The following NTRK3 variants were observed in gnomAD, a reference collection of about 807,000 sequenced individuals.
NTRK3 encodes neurotrophic receptor tyrosine kinase 3, also known as NT-3 growth factor receptor.
Under a neutral mutation model 91.7 loss-of-function variants are expected in NTRK3, and 24 were observed. The ratio of observed to expected loss-of-function variants is 0.26; its 90% CI spans 0.19 to 0.37. The LOEUF is 0.37. NTRK3 is among the 10% of genes least tolerant of loss of function. The pLI, the probability that NTRK3 is intolerant of heterozygous loss-of-function variation, is 1.00. For missense variants in NTRK3, 880 were observed against 1,068.9 expected (o/e 0.82, Z 2.46); for synonymous variants, 483 against 404.0 (o/e 1.20, Z -2.34).
At chr15:87,885,735 G>A (rs1379390446) in intron 17 of NTRK3, 5 of 1,299,640 alleles carry the variant, frequency 3.8e-6, no homozygotes, top group Non-Finnish European at 5.1e-6. Context: ...GGATTAAAGA[G>A]CTAAACATAA....
At chr15:88,147,478 C>A (rs2042988752) in intron 5 of NTRK3, 75 bp from the exon 6 acceptor site, 1 of 1,205,244 alleles carries the variant, frequency 8.3e-7, no homozygotes, top group South Asian at 1.2e-5. Context: ...TAAGCTTAAT[C>A]ATTTCACTGG....
At chr15:88,129,277 T>C (rs1183938089) in intron 10 of NTRK3, among the ~76,000 whole-genome samples, 1 of 152,196 alleles carries the variant, frequency 6.6e-6, no homozygotes, top group Non-Finnish European at 1.5e-5. Context: ...TAGAAATAGC[T>C]CAACTAATAA....
intron 13 of NTRK3, among the ~76,000 whole-genome samples, chr15:88,035,946 C>G (rs1178742238): frequency 6.6e-6 from 1 of 151,378 alleles, no homozygotes; most frequent in Non-Finnish European, 1.5e-5. Flanking sequence ...AGAAATCTTC[C>G]AGAAAATTAA....
At chr15:88,236,505 C>T (rs1000095670) in intron 3 of NTRK3, among the ~76,000 whole-genome samples, 6 of 122,504 alleles carry the variant, frequency 4.9e-5, no homozygotes, top group African/African-American at 2.0e-4. Flanking sequence ...AGACTCCAGC[C>T]TCTATTATTA....
chr15:88,089,914 C>T (rs2048862393), intron 13 of NTRK3, among the ~76,000 whole-genome samples: 1 of 152,158 alleles, frequency 6.6e-6, no homozygotes, highest in Non-Finnish European at 1.5e-5. Flanking sequence ...CCCTATGTGG[C>T]CTGGCCCTGC....
intron 17 of NTRK3, among the ~76,000 whole-genome samples, chr15:87,891,619 A>G (rs1470782890): frequency 2.6e-5 from 4 of 152,154 alleles, no homozygotes; most frequent in Non-Finnish European, 5.9e-5. Flanking sequence ...ATAAAATGTA[A>G]CATACCATAT....
At chr15:87,884,007 A>C (rs1434363120) in intron 17 of NTRK3, among the ~76,000 whole-genome samples, 2 of 150,826 alleles carry the variant, frequency 1.3e-5, no homozygotes, top group East Asian at 3.9e-4. Flanking sequence ...AAGGCAGTAA[A>C]GATCCACTAA....
Position 88,184,747 on chromosome 15 carries a change from G to T in NTRK3, c.249-448C>A, listed in dbSNP as rs115048377. Among the ~76,000 whole-genome samples, 915 of 152,252 alleles carry T rather than the reference G, an allele frequency of 6.0e-3. 13 individuals are homozygous for T. Among genetic ancestry groups the T allele is most frequent in the African/African-American group, 0.021 (867 of 41,532 alleles). On this transcript the variant is annotated intron_variant, in intron 3 of 18. Transcript: ENST00000394480. Reference sequence around the variant, plus strand: ...ACATGGCTTTAAAAAAGGACGGGGTGGCCGGCTGGCCAGTGGGCATAGCCA... The same window carrying T: ...ACATGGCTTTAAAAAAGGACGGGGTTGCCGGCTGGCCAGTGGGCATAGCCA...
chr15:88,124,489 C>T (rs945719413), intron 13 of NTRK3, among the ~76,000 whole-genome samples: 2 of 152,160 alleles, frequency 1.3e-5, no homozygotes, highest in South Asian at 2.1e-4. Flanking sequence ...GCTGGTGGTG[C>T]GCCTCCTCAG....
intron 14 of NTRK3, among the ~76,000 whole-genome samples, chr15:88,014,810 C>T (rs1567229759): frequency 6.6e-6 from 1 of 152,206 alleles, no homozygotes; most frequent in African/African-American, 2.4e-5. Flanking sequence ...TCACCAGCTC[C>T]GAGATTTTCT....
chr15:87,888,161 G>A (rs543892908), intron 17 of NTRK3, among the ~76,000 whole-genome samples: 19 of 152,120 alleles, frequency 1.2e-4, no homozygotes, highest in Non-Finnish European at 2.5e-4. Flanking sequence ...TGCTCACAAA[G>A]AGGATGAGAG....
At position 87,874,172 on chromosome 15, in the gene NTRK3, G is replaced by A. The variant is rs145952566; in HGVS notation, c.*2763C>T. 693 of 87,540 alleles carry A rather than the reference G, an allele frequency of 7.9e-3. 16 individuals carry two copies. The highest frequency in any genetic ancestry group is 0.074 in the Admixed American group (571 of 7,682). The allele number at this position is 87,540 out of a possible 1,614,324, so 5.4% of individuals were successfully genotyped here. On this transcript the variant is annotated 3_prime_UTR_variant, in exon 19 of 19. Coordinates refer to ENST00000394480, the Ensembl canonical transcript of NTRK3. The stretch of plus-strand genomic sequence containing the variant: ...CCATAGTGTACCCTGCAATTTCCAT[G>A]GCCCTATTTTCTGCCTCCTTTACTC...
intron 3 of NTRK3, among the ~76,000 whole-genome samples, chr15:88,195,767 C>G (rs1365853190): frequency 6.6e-6 from 1 of 152,166 alleles, no homozygotes; most frequent in Non-Finnish European, 1.5e-5. Flanking sequence ...CCCTTACTCC[C>G]CAAGGGGTCT....
chr15:88,026,963 G>A (rs2078091281), intron 14 of NTRK3, among the ~76,000 whole-genome samples: 1 of 152,164 alleles, frequency 6.6e-6, no homozygotes, highest in South Asian at 2.1e-4. Context: ...CATGACTTCA[G>A]AGGCCTTCAG....
rs2042840258 is a variant in NTRK3 at position 88,145,836 on chromosome 15, AGACC to A, written c.464+1495_464+1498del. 5.9e-5 allele frequency among the ~76,000 whole-genome samples: 8 copies of A among 135,788 alleles called. No homozygotes were observed. The South Asian group carries it at 1.6e-3, about 28-fold the overall frequency. 89.1% of individuals were successfully genotyped at this position (135,788 alleles called of 152,430 possible). Reference sequence around the variant, plus strand: ...AGTCAGTTCTAGGGTAACTTAAGAAAGACCACAATCATGTGTTTTTTTTAAAATT... The same window carrying A: ...AGTCAGTTCTAGGGTAACTTAAGAAAACAATCATGTGTTTTTTTTAAAATT... On this transcript the variant is annotated intron_variant, in intron 6 of 18. Coordinates refer to ENST00000394480, the Ensembl canonical transcript of NTRK3.
In NTRK3 at chr15:87,928,890, A is replaced by T; in HGVS notation, c.2133+301T>A. On this transcript the variant is annotated intron_variant, in intron 17 of 18. Transcript: ENST00000394480. ...TTGGGCACATACATATACATGTATG[A>T]GTATGTTTACATGAAGAATGAGTAT... The T allele has an allele frequency of 8.8e-6, 5 of 571,126 alleles. No individual in the cohort carries two copies. In the South Asian group the frequency reaches 1.0e-4, roughly 12 times the overall value. The allele number at this position is 571,126 out of a possible 1,614,324, so 35.4% of individuals were successfully genotyped here. A position where few individuals can be genotyped will look rare whatever the true frequency, so the allele number is the denominator to read the frequency against.
At chr15:87,968,651 C>T (rs1312815050) in intron 14 of NTRK3, among the ~76,000 whole-genome samples, 1 of 152,192 alleles carries the variant, frequency 6.6e-6, no homozygotes, top group Admixed American at 6.5e-5. Context: ...TGACTAACCT[C>T]ACCTCACCAC....
intron 13 of NTRK3, among the ~76,000 whole-genome samples, chr15:88,123,786 T>C (rs943574627): frequency 6.6e-6 from 1 of 152,212 alleles, no homozygotes; most frequent in Non-Finnish European, 1.5e-5. Flanking sequence ...TTGAAAGAGT[T>C]ATTTTCAATA....
At chr15:88,178,176 G>A (rs1055243252) in intron 5 of NTRK3, among the ~76,000 whole-genome samples, 3 of 152,196 alleles carry the variant, frequency 2.0e-5, no homozygotes, top group African/African-American at 7.2e-5. Flanking sequence ...AAGTCTCAGT[G>A]CAGAGGTAAG....
Sources: gnomAD v4.1 joint callset for allele counts (sites outside exome capture counted in the v4.1 genomes callset) on GRCh38, gnomAD v4.1.1 for gene constraint, MANE v1.5 for transcripts, NCBI Gene and HGNC (gene_info 2026-07-23, HGNC 2026-07-21) for gene names.